Variants in TMEM86B observed in about 807,000 individuals in gnomAD.
TMEM86B encodes lysoplasmalogenase TMEM86B.
A neutral mutation model predicts 12.3 loss-of-function variants in TMEM86B; 15 were observed. The ratio of observed to expected loss-of-function variants is 1.22; its 90% CI spans 0.81 to 1.87. TMEM86B has a LOEUF of 1.87. Among genes scored for constraint, TMEM86B ranks in the 40% most tolerant of loss-of-function variants. The probability of loss-of-function intolerance (pLI) is 0.00; values close to 1 mark genes in which losing one functional copy is unlikely to be tolerated. For missense variants in TMEM86B, 328 were observed against 297.4 expected (o/e 1.10, Z -0.76); for synonymous variants, 173 against 140.3 (o/e 1.23, Z -1.65).
chr19:55,227,771 C>T (rs2087296644), intron 2 of TMEM86B: 1 of 704,752 alleles, frequency 1.4e-6, no homozygotes, highest in Non-Finnish European at 2.3e-6. Context: ...CCTCCAAAGC[C>T]CCATGGCCTC....
intron 2 of TMEM86B, 157 bp from the exon 3 acceptor site, chr19:55,227,720 T>C: frequency 1.9e-6 from 2 of 1,033,062 alleles, no homozygotes; most frequent in Non-Finnish European, 2.7e-6. Flanking sequence ...TGTCCATCCT[T>C]GCTCTGCTCA....
At chr19:55,228,537 G>A in intron 1 of TMEM86B, 100 bp from the exon 2 acceptor site, 1 of 1,546,540 alleles carries the variant, frequency 6.5e-7, no homozygotes, top group Non-Finnish European at 8.7e-7. Flanking sequence ...TGGGACCCCA[G>A]CTGTACAGGC....
In TMEM86B at chr19:55,228,737, T is replaced by A. The variant is rs2087310122; in HGVS notation, c.5A>T (p.Asp2Val). ...CAGGGTCTGCCCCGCTTTGCCAGCG[T>A]CCATGCTGGCCTGATAGCCCCAGAG... MDAGKAGQTLKT... is the reference protein window; with the variant it reads MVAGKAGQTLKT... Residue 2 changes from aspartate to valine, a missense_variant, in exon 1 of 3, where the codon GAC (aspartate) becomes GTC (valine). Coordinates refer to ENST00000327042, the MANE Select transcript of TMEM86B (RefSeq NM_173804.5). 6.2e-7 allele frequency: 1 copy of A among 1,613,250 alleles called. No individual in the cohort carries two copies. The highest frequency in any genetic ancestry group is 8.5e-7 in the Non-Finnish European group (1 of 1,179,814).
intron 2 of TMEM86B, 30 bp downstream of exon 2, chr19:55,228,161 C>G: frequency 1.3e-6 from 2 of 1,585,828 alleles, no homozygotes; most frequent in South Asian, 1.1e-5. Context: ...ACACGGGCAT[C>G]TGGAAAGCGT....
In TMEM86B at chr19:55,226,831, C is replaced by T; in HGVS notation, c.*350G>A. On this transcript the variant is annotated 3_prime_UTR_variant, in exon 3 of 3. Transcript: ENST00000327042. ...GGTAACAGCAACATCTACGGTTCCA[C>T]ACCCACAGGGAAAACGGATTCAGAG... The T allele has an allele frequency of 4.1e-6, 1 of 244,308 alleles. No individual in the cohort carries two copies. The highest frequency in any genetic ancestry group is 7.9e-6 in the Non-Finnish European group (1 of 127,326). 15.1% of individuals were successfully genotyped at this position (244,308 alleles called of 1,614,324 possible).
intron 2 of TMEM86B, chr19:55,227,775 T>C (rs1176143328): frequency 2.9e-6 from 2 of 694,704 alleles, no homozygotes; most frequent in African/African-American, 1.8e-5. Context: ...CAAAGCCCCA[T>C]GGCCTCCAGC....
chr19:55,227,345 C>A lies in TMEM86B; in HGVS notation c.517G>T (p.Gly173Cys), dbSNP rs149266330. The change falls in exon 3 of 3, where the codon GGC (glycine) becomes TGC (cysteine). Residue 173 changes from glycine to cysteine, a missense_variant. Coordinates refer to ENST00000327042, the MANE Select transcript of TMEM86B (RefSeq NM_173804.5). ...AGCGTGAAGAGCAGCGCGCCCCAGC[C>A]GGCACTCCCGCCCTGGGCCAGGCCG... is the stretch of plus-strand genomic sequence containing the variant. ...WRGLAQGGSA[G>C]WGALLFTLSD... The A allele has an allele frequency of 2.5e-6, 4 of 1,604,094 alleles. No homozygotes were observed. The East Asian group carries it at 9.0e-5, about 36-fold the overall frequency.
chr19:55,228,123 C>T (rs763084727), intron 2 of TMEM86B, 68 bp downstream of exon 2: 5 of 1,532,514 alleles, frequency 3.3e-6, no homozygotes, highest in Non-Finnish European at 4.4e-6. Flanking sequence ...TGCACCCAGG[C>T]TCCCATCCAA....
Position 55,227,433 on chromosome 19 carries a change from G to C in TMEM86B, c.429C>G (p.Leu143=). 1 of 1,566,492 alleles carries C rather than the reference G, an allele frequency of 6.4e-7. No homozygotes were observed. The highest frequency in any genetic ancestry group is 8.7e-7 in the Non-Finnish European group (1 of 1,155,538). ...CCACCGGCAGGACCATATCCGGCTC[G>C]AGGTGCTGGAGCACAAGGCTGAGGT... ...GPYLSLVLQH[L]EPDMVLPVAA... Residue 143 remains leucine, a synonymous_variant, in exon 3 of 3, where the codon CTC becomes CTG. Transcript: ENST00000327042.
At position 55,227,208 on chromosome 19, in the gene TMEM86B, G is replaced by A; in HGVS notation, c.654C>T (p.Leu218=). 6.5e-7 allele frequency: 1 copy of A among 1,542,180 alleles called. No individual in the cohort carries two copies. The highest frequency in any genetic ancestry group is 8.8e-7 in the Non-Finnish European group (1 of 1,139,034). Residue 218 remains leucine, a synonymous_variant, in exon 3 of 3, where the codon CTC becomes CTT. Coordinates refer to ENST00000327042, the MANE Select transcript of TMEM86B (RefSeq NM_173804.5). ...AGTCAGTCTTGGGCACCGGGCTCCT[G>A]AGGGCTGACAGTGTGATGAGGAGCT... ...AAQLLITLSA[L]RSPVPKTD is the part of the protein sequence containing the mutation.
In TMEM86B at chr19:55,227,348, C is replaced by T; in HGVS notation, c.514G>A (p.Ala172Thr). The T allele has an allele frequency of 1.2e-6, 2 of 1,603,498 alleles. No homozygotes were observed. The highest frequency in any genetic ancestry group is 1.7e-6 in the Non-Finnish European group (2 of 1,174,730). Residue 172 changes from alanine (A) to threonine (T), a missense_variant, in exon 3 of 3, where the codon GCC becomes ACC. Coordinates refer to ENST00000327042, the MANE Select transcript of TMEM86B (RefSeq NM_173804.5). Reference protein sequence around the residue: ...LWRGLAQGGSAGWGALLFTLS... With the variant: ...LWRGLAQGGSTGWGALLFTLS... ...GTGAAGAGCAGCGCGCCCCAGCCGG[C>T]ACTCCCGCCCTGGGCCAGGCCGCGC...
At chr19:55,227,655 C>T in intron 2 of TMEM86B, 92 bp from the exon 3 acceptor site, 1 of 1,417,670 alleles carries the variant, frequency 7.1e-7, no homozygotes, top group Non-Finnish European at 9.3e-7. Flanking sequence ...AGGACCATCC[C>T]AGAGCACCAG....
In TMEM86B at chr19:55,227,350, CTCCCGCCCTGGG is replaced by C. The variant is rs779073486; in HGVS notation, c.500_511del (p.Ala167_Ser171delinsGly). ...GAAGAGCAGCGCGCCCCAGCCGGCACTCCCGCCCTGGGCCAGGCCGCGCCACAGCATGGCCAT... is the reference window on the plus strand; with the variant it reads ...GAAGAGCAGCGCGCCCCAGCCGGCACCCAGGCCGCGCCACAGCATGGCCAT... On this transcript the variant is annotated inframe_deletion, in exon 3 of 3. Transcript: ENST00000327042. The C allele has an allele frequency of 6.2e-7, 1 of 1,603,716 alleles. No individual in the cohort carries two copies. Among genetic ancestry groups the C allele is most frequent in the Admixed American group, 1.7e-5 (1 of 58,844 alleles).
chr19:55,227,452 C>T lies in TMEM86B; in HGVS notation c.410G>A (p.Ser137Asn). ...LIILAPGPYL[S>N]LVLQHLEPDM... Reference sequence around the variant, plus strand: ...CGGCTCGAGGTGCTGGAGCACAAGGCTGAGGTAGGGGCCAGGGGCCAGGAT... The same window carrying T: ...CGGCTCGAGGTGCTGGAGCACAAGGTTGAGGTAGGGGCCAGGGGCCAGGAT... The change falls in exon 3 of 3, where the codon AGC becomes AAC. Residue 137 changes from serine to asparagine, a missense_variant. Physicochemically the swap from Ser to Asn is conservative, Grantham distance 46 (BLOSUM62 1). Transcript: ENST00000327042. The T allele has an allele frequency of 6.4e-7, 1 of 1,560,210 alleles. No individual in the cohort carries two copies. Among genetic ancestry groups the T allele is most frequent in the Non-Finnish European group, 8.7e-7 (1 of 1,151,778 alleles).
rs1414716863 is a variant in TMEM86B, at chr19:55,228,271, T to C, written c.218A>G (p.Tyr73Cys). The C allele has an allele frequency of 7.4e-6, 12 of 1,613,050 alleles. No individual in the cohort carries two copies. Among genetic ancestry groups the C allele is most frequent in the Non-Finnish European group, 1.0e-5 (12 of 1,179,784 alleles). Residue 73 changes from tyrosine (Y) to cysteine (C), a missense_variant, in exon 2 of 3, where the codon TAC becomes TGC. Transcript: ENST00000327042. Reference protein sequence around the residue: ...FLWVMSPSGGYTQLLQGALVC... With the variant: ...FLWVMSPSGGCTQLLQGALVC... ...AAGGGCTCCCTGGAGGAGCTGGGTG[T>C]AGCCCCCGCTTGGGGACATGACCCA...
At chr19:55,227,612 T>A in intron 2 of TMEM86B, 49 bp from the exon 3 acceptor site, 1 of 1,480,548 alleles carries the variant, frequency 6.8e-7, no homozygotes. Context: ...ATCCTGGGAA[T>A]GGCCCCGAGG....
rs2087284110 is a variant in TMEM86B, at chr19:55,226,649, C to T, written c.*532G>A. 1 of 153,450 alleles carries T rather than the reference C, an allele frequency of 6.5e-6. No individual in the cohort carries two copies. The highest frequency in any genetic ancestry group is 2.4e-5 in the African/African-American group (1 of 41,488). The allele number at this position is 153,450 out of a possible 1,614,324, so 9.5% of individuals were successfully genotyped here. A position where few individuals can be genotyped will look rare whatever the true frequency, so the allele number is the denominator to read the frequency against. On this transcript the variant is annotated 3_prime_UTR_variant, in exon 3 of 3. Coordinates refer to ENST00000327042, the MANE Select transcript of TMEM86B (RefSeq NM_173804.5). ...ACAGTCCTCTTGGCTCAGTTCTGCACAATCCTCACTTTATCCCCCCGAATC... is the reference window on the plus strand; with the variant it reads ...ACAGTCCTCTTGGCTCAGTTCTGCATAATCCTCACTTTATCCCCCCGAATC...
At chr19:55,228,092 G>A (rs1225528663) in intron 2 of TMEM86B, 99 bp downstream of exon 2, 3 of 1,473,670 alleles carry the variant, frequency 2.0e-6, no homozygotes, top group Non-Finnish European at 2.7e-6. Flanking sequence ...TTTGACCACT[G>A]GAGCTCTCAC....
rs1259411485 is a variant in TMEM86B, at chr19:55,228,454, G to C, written c.52-17C>G. 2.5e-6 allele frequency: 4 copies of C among 1,608,540 alleles called. 1 individual carries two copies. In the South Asian group the frequency reaches 4.4e-5, roughly 18 times the overall value. On this transcript the variant is annotated splice_polypyrimidine_tract_variant and intron_variant, in intron 1 of 2. Coordinates refer to ENST00000327042, the MANE Select transcript of TMEM86B (RefSeq NM_173804.5). ...ATCTGGGCGCTTTGGGGAGTGGGGA[G>C]CTACTGAGCCGAAACCCAGCCCAGC...
Sources: gnomAD v4.1 joint callset for allele counts on GRCh38, gnomAD v4.1.1 for gene constraint, MANE v1.5 for transcripts, NCBI Gene and HGNC (gene_info 2026-07-23, HGNC 2026-07-21) for gene names.